Variants in CLRN1 observed in about 807,000 individuals in gnomAD.
The protein encoded by CLRN1 is clarin 1.
A neutral mutation model predicts 18.7 loss-of-function variants in CLRN1; 15 were observed. The observed-to-expected ratio is 0.80, with a 90% CI of 0.54 to 1.23. The LOEUF is 1.23. Ranked by LOEUF, CLRN1 falls within the 50% of genes most tolerant of loss-of-function variation. CLRN1 has a pLI of 0.00. For synonymous variants in CLRN1, 104 were observed against 102.9 expected (o/e 1.01, Z -0.07); for missense variants, 311 against 277.5 (o/e 1.12, Z -0.86).
At chr3:150,929,754 A>G (rs767391848) in intron 2 of CLRN1, among the ~76,000 whole-genome samples, 1 of 152,130 alleles carries the variant, frequency 6.6e-6, no homozygotes, top group Non-Finnish European at 1.5e-5. Context: ...TCCACTTACA[A>G]TGTCAAATTA....
intron 1 of CLRN1, chr3:150,945,800 A>C: frequency 2.2e-6 from 1 of 454,180 alleles, no homozygotes; most frequent in South Asian, 2.5e-5. Context: ...GGAAATGGGG[A>C]CCCTTGTGCA....
At chr3:150,932,246 C>G (rs1713194707) in intron 2 of CLRN1, among the ~76,000 whole-genome samples, 1 of 152,170 alleles carries the variant, frequency 6.6e-6, no homozygotes, top group South Asian at 2.1e-4. Context: ...TCCTCCAGTC[C>G]TTACTATATG....
Position 150,972,571 on chromosome 3 carries a change from G to A in CLRN1, c.138C>T (p.Leu46=), listed in dbSNP as rs1424214659. 1 of 1,614,200 alleles carries A rather than the reference G, an allele frequency of 6.2e-7. No individual in the cohort carries two copies. The highest frequency in any genetic ancestry group is 1.1e-5 in the South Asian group (1 of 91,080). The change falls in exon 1 of 3, where the codon CTC becomes CTT. Residue 46 remains leucine, a synonymous_variant. Coordinates refer to ENST00000327047, the MANE Select transcript of CLRN1 (RefSeq NM_174878.3). ...ATVLCKTGAL[L]VNASGQELDK... is the part of the protein sequence containing the mutation. ...CCAGCTCCTGCCCTGAGGCATTGAC[G>A]AGCAGAGCTCCCGTTTTGCAGAGGA...
intron 2 of CLRN1, among the ~76,000 whole-genome samples, chr3:150,936,883 C>T (rs562616336): frequency 1.3e-5 from 2 of 152,228 alleles, no homozygotes; most frequent in East Asian, 1.9e-4. Context: ...CTTCAGTGTG[C>T]TTTCTCTTCT....
chr3:150,927,222 C>A lies in CLRN1; in HGVS notation c.*714G>T, dbSNP rs1377325109. 2.0e-6 allele frequency: 1 copy of A among 498,970 alleles called. No individual in the cohort carries two copies. Among genetic ancestry groups the A allele is most frequent in the Non-Finnish European group, 3.9e-6 (1 of 257,038 alleles). 30.9% of individuals were successfully genotyped at this position (498,970 alleles called of 1,614,324 possible). On this transcript the variant is annotated 3_prime_UTR_variant, in exon 3 of 3. Transcript: ENST00000327047. ...TCTTCTTTTCTTCTTTTAGAGTTTG[C>A]AGATTTTGACCAACAGACATGGTTA... is the stretch of plus-strand genomic sequence containing the variant.
downstream of CLRN1, chr3:150,926,497 T>C: frequency 2.4e-6 from 1 of 413,170 alleles, no homozygotes; most frequent in Non-Finnish European, 4.5e-6. Flanking sequence ...AAAATCCCCT[T>C]TGTGGCTAGA....
Position 150,926,881 on chromosome 3 carries a change from C to T in CLRN1, c.*1055G>A, listed in dbSNP as rs767020647. 15 of 1,613,766 alleles carry T rather than the reference C, an allele frequency of 9.3e-6. No homozygotes were observed. Among genetic ancestry groups the T allele is most frequent in the Non-Finnish European group, 1.3e-5 (15 of 1,180,010 alleles). ...CTGTGGCCTTTAGTCAGCTGCAGAT[C>T]AATTTGATGGGTAATTCAGGGGAAA... On this transcript the variant is annotated 3_prime_UTR_variant, in exon 3 of 3. Coordinates refer to ENST00000327047, the MANE Select transcript of CLRN1 (RefSeq NM_174878.3).
intron 1 of CLRN1, among the ~76,000 whole-genome samples, chr3:150,966,978 C>T (rs544517309): frequency 6.6e-6 from 1 of 152,316 alleles, no homozygotes; most frequent in African/African-American, 2.4e-5. Flanking sequence ...CTAGTATCGT[C>T]TCCCATATAC....
chr3:150,956,055 A>G (rs1179299910), intron 1 of CLRN1, among the ~76,000 whole-genome samples: 2 of 152,204 alleles, frequency 1.3e-5, no homozygotes, highest in East Asian at 1.9e-4. Context: ...CTTCATAACT[A>G]TCATTTAGAT....
chr3:150,943,811 C>T, intron 1 of CLRN1: 1 of 1,614,168 alleles, frequency 6.2e-7, no homozygotes, highest in Admixed American at 1.7e-5. Context: ...GGGTTGCAGG[C>T]ACCCCTACCT....
chr3:150,972,804 C>T, upstream of CLRN1: 1 of 1,560,706 alleles, frequency 6.4e-7, no homozygotes, highest in Non-Finnish European at 8.8e-7. Context: ...ATTACGGAAG[C>T]TGAACGGACA....
Position 150,941,766 on chromosome 3 carries a change from A to G in CLRN1, c.254-5T>C. On this transcript the variant is annotated splice_polypyrimidine_tract_variant and splice_region_variant and intron_variant, in intron 1 of 2. Coordinates refer to ENST00000327047, the MANE Select transcript of CLRN1 (RefSeq NM_174878.3). ...CTTTGAGCAAATCTGGAAAAACTGA[A>G]GATAAGACAAAACTAGGGTTAGAAG... 1 of 1,613,690 alleles carries G rather than the reference A, an allele frequency of 6.2e-7. No individual in the cohort carries two copies. Among genetic ancestry groups the G allele is most frequent in the Admixed American group, 1.7e-5 (1 of 60,004 alleles).
chr3:150,969,988 G>GT (rs1715455802), intron 1 of CLRN1, among the ~76,000 whole-genome samples: 1 of 152,086 alleles, frequency 6.6e-6, no homozygotes, highest in Non-Finnish European at 1.5e-5. Context: ...TCTTACACTG[G>GT]TAAGATTCTG....
chr3:150,941,404 T>A, intron 2 of CLRN1, 178 bp downstream of exon 2: 1 of 628,212 alleles, frequency 1.6e-6, no homozygotes, highest in South Asian at 2.0e-5. Context: ...CATAAAGTAT[T>A]TATTGAATTC....
rs1368907378 is a variant in CLRN1 at position 150,927,786 on chromosome 3, C to T, written c.*150G>A. ...CCTTCTGCTTCCCTTACTTTCCAGC[C>T]TGTATCCTTAGTACGTAATTTGTAA... On this transcript the variant is annotated 3_prime_UTR_variant, in exon 3 of 3. Coordinates refer to ENST00000327047, the MANE Select transcript of CLRN1 (RefSeq NM_174878.3). 6 of 1,029,642 alleles carry T rather than the reference C, an allele frequency of 5.8e-6. No individual in the cohort carries two copies. Among genetic ancestry groups the T allele is most frequent in the Non-Finnish European group, 4.4e-6 (3 of 675,294 alleles). 63.8% of individuals were successfully genotyped at this position (1,029,642 alleles called of 1,614,324 possible).
intron 1 of CLRN1, among the ~76,000 whole-genome samples, chr3:150,951,821 C>A (rs1426250953): frequency 1.3e-5 from 2 of 152,092 alleles, no homozygotes; most frequent in African/African-American, 4.8e-5. Context: ...GTGCCACACA[C>A]TTTTAAACAA....
intron 2 of CLRN1, among the ~76,000 whole-genome samples, chr3:150,935,312 A>G (rs1713408526): frequency 8.9e-6 from 1 of 111,864 alleles, no homozygotes; most frequent in African/African-American, 3.2e-5. Flanking sequence ...ACCCCACAAC[A>G]GTCCCCAGTG....
At position 150,969,426 on chromosome 3, in the gene CLRN1, G is replaced by A. The variant is rs1261198172; in HGVS notation, c.253+3030C>T. ...ACTGCAAGCTCCACCTCCCGGGTTC[G>A]TGCCATTCTCCTGCCTCAGCCTCCC... On this transcript the variant is annotated intron_variant, in intron 1 of 2. Coordinates refer to ENST00000327047, the MANE Select transcript of CLRN1 (RefSeq NM_174878.3). Among the ~76,000 whole-genome samples the A allele has an allele frequency of 5.6e-5, 8 of 142,644 alleles. No homozygotes were observed. In the South Asian group the frequency reaches 9.2e-4, roughly 16 times the overall value. 93.6% of individuals were successfully genotyped at this position (142,644 alleles called of 152,430 possible). A position where few individuals can be genotyped will look rare whatever the true frequency, so the allele number is the denominator to read the frequency against.
intron 1 of CLRN1, among the ~76,000 whole-genome samples, chr3:150,954,832 T>C (rs1348845170): frequency 6.6e-6 from 1 of 152,238 alleles, no homozygotes; most frequent in African/African-American, 2.4e-5. Context: ...TGCATATAGA[T>C]ATCCAATTGT....
Sources: gnomAD v4.1 joint callset for allele counts (sites outside exome capture counted in the v4.1 genomes callset) on GRCh38, gnomAD v4.1.1 for gene constraint, MANE v1.5 for transcripts, NCBI Gene and HGNC (gene_info 2026-07-23, HGNC 2026-07-21) for gene names.